The following SNX2 variants were observed in gnomAD, a reference collection of about 807,000 sequenced individuals.
SNX2 encodes the protein sorting nexin 2.
A neutral mutation model predicts 69.9 loss-of-function variants in SNX2; 25 were observed. The ratio of observed to expected loss-of-function variants is 0.36; its 90% confidence interval spans 0.26 to 0.50. The LOEUF (loss-of-function observed/expected upper bound fraction) is 0.50. Ranked by LOEUF, SNX2 falls within the 20% of genes least tolerant of loss-of-function variation. The probability of loss-of-function intolerance (pLI) is 0.97; values close to 1 mark genes in which losing one functional copy is unlikely to be tolerated. For missense variants in SNX2, 551 were observed against 613.3 expected (o/e 0.90, Z 1.07); for synonymous variants, 229 against 200.4 (o/e 1.14, Z -1.20).
chr5:122,806,511 G>C (rs1396444998), intron 6 of SNX2, among the ~76,000 whole-genome samples: 1 of 152,140 alleles, frequency 6.6e-6, no homozygotes, highest in African/African-American at 2.4e-5. Flanking sequence ...GACCTTAGTT[G>C]ACCTAAGAAG....
In SNX2 at chr5:122,775,121, A is replaced by G. The variant is rs766697437; in HGVS notation, c.18A>G (p.Glu6=). 6 of 1,591,338 alleles carry G rather than the reference A, an allele frequency of 3.8e-6. No homozygotes were observed. Among genetic ancestry groups the G allele is most frequent in the Admixed American group, 1.8e-5 (1 of 55,144 alleles). Reference sequence around the variant, plus strand: ...GAGCGAAGATGGCGGCCGAGAGGGAACCTCCTCCGCTGGGGGACGGGAAGC... The same window carrying G: ...GAGCGAAGATGGCGGCCGAGAGGGAGCCTCCTCCGCTGGGGGACGGGAAGC... MAAER[E]PPPLGDGKPT... Residue 6 remains glutamate, a synonymous_variant, in exon 1 of 15, where the codon GAA becomes GAG. Coordinates refer to ENST00000379516, the MANE Select transcript of SNX2 (RefSeq NM_003100.4).
At chr5:122,778,783 A>G (rs1752908441) in intron 1 of SNX2, among the ~76,000 whole-genome samples, 1 of 152,132 alleles carries the variant, frequency 6.6e-6, no homozygotes, top group African/African-American at 2.4e-5. Flanking sequence ...TCTTATGTGT[A>G]TATTTTTTAA....
chr5:122,787,451 C>G (rs1038668765), intron 1 of SNX2, among the ~76,000 whole-genome samples: 1 of 151,866 alleles, frequency 6.6e-6, no homozygotes, highest in Non-Finnish European at 1.5e-5. Flanking sequence ...ACCTGAGAGG[C>G]AGAGGTTGCA....
chr5:122,806,574 A>G (rs1230838423), intron 6 of SNX2, among the ~76,000 whole-genome samples: 1 of 150,846 alleles, frequency 6.6e-6, no homozygotes, highest in Non-Finnish European at 1.5e-5. Context: ...TTAAAAGTTA[A>G]CTAGTTACGG....
intron 6 of SNX2, among the ~76,000 whole-genome samples, chr5:122,806,438 G>A (rs1753660020): frequency 6.6e-6 from 1 of 152,032 alleles, no homozygotes; most frequent in Non-Finnish European, 1.5e-5. Flanking sequence ...TGTTTGCTGG[G>A]AAGCTTTATA....
At chr5:122,818,026 G>A (rs1342664891) in intron 10 of SNX2, among the ~76,000 whole-genome samples, 1 of 151,944 alleles carries the variant, frequency 6.6e-6, no homozygotes, top group Non-Finnish European at 1.5e-5. Flanking sequence ...AACATTACCA[G>A]CAATACATTT....
chr5:122,806,142 G>GCGCACGCGCACACACACACACACA, intron 6 of SNX2, among the ~76,000 whole-genome samples: 6,042 of 130,300 alleles, frequency 0.046, 212 homozygotes, highest in Non-Finnish European at 0.06. Flanking sequence ...ACACGCGCGC[G>GCGCACGCGCACACACACACACACA]CACACACACA....
In SNX2 at chr5:122,826,119, C is replaced by T. The variant is rs767986710; in HGVS notation, c.1282C>T (p.Arg428Cys). Residue 428 changes from arginine to cysteine, a missense_variant, in exon 12 of 15, where the codon CGT becomes TGT. This residue lies in a region of SNX2 where 360 missense variants were observed against 450.4 expected (regional missense o/e 0.80). Transcript: ENST00000379516. The part of the protein sequence containing the change: ...EDAQITLLKK[R>C]EAEAKMMVAN... ...TGCTCAAATTACTTTGCTCAAAAAA[C>T]GTGAAGCTGAAGCAAAAATGATGGT... 18 of 1,612,952 alleles carry T rather than the reference C, an allele frequency of 1.1e-5. No individual in the cohort carries two copies. The highest frequency in any genetic ancestry group is 5.5e-5 in the South Asian group (5 of 91,042).
intron 7 of SNX2, among the ~76,000 whole-genome samples, chr5:122,809,090 T>G (rs994800142): frequency 3.3e-5 from 5 of 152,206 alleles, no homozygotes; most frequent in African/African-American, 4.8e-5. Flanking sequence ...ACATCTATAC[T>G]AAACATGTGC....
At chr5:122,791,272 C>T (rs550822344) in intron 1 of SNX2, among the ~76,000 whole-genome samples, 4 of 151,796 alleles carry the variant, frequency 2.6e-5, no homozygotes, top group South Asian at 2.1e-4. Context: ...TACAGACATG[C>T]GCCACCATGC....
In SNX2 at chr5:122,775,231, G is replaced by T. The variant is rs368756209; in HGVS notation, c.108+20G>T. ...CTAGAGGTGAGACCGCGTCGCTGCG[G>T]GTGCTGCGCTGCGTAGCTGCCGCGC... On this transcript the variant is annotated intron_variant, in intron 1 of 14. Coordinates refer to ENST00000379516, the MANE Select transcript of SNX2 (RefSeq NM_003100.4). 1,139 of 1,543,632 alleles carry T rather than the reference G, an allele frequency of 7.4e-4. 7 individuals are homozygous for T. The African/African-American group carries it at 0.013, about 18-fold the overall frequency.
At chr5:122,812,546 A>G (rs536346505) in intron 7 of SNX2, among the ~76,000 whole-genome samples, 75 of 152,238 alleles carry the variant, frequency 4.9e-4, no homozygotes, top group Non-Finnish European at 9.7e-4. Flanking sequence ...TTCTATTTAT[A>G]TTGCCACCAA....
intron 11 of SNX2, among the ~76,000 whole-genome samples, chr5:122,820,544 A>AT (rs1156762090): frequency 6.6e-6 from 1 of 152,112 alleles, no homozygotes; most frequent in Non-Finnish European, 1.5e-5. Flanking sequence ...TAAAAAAAAA[A>AT]AAGAATACGT....
chr5:122,832,265 A>C lies in SNX2; in HGVS notation c.*2617A>C, dbSNP rs1326959493. The C allele has an allele frequency of 6.6e-6, 1 of 152,198 alleles. No homozygotes were observed. The highest frequency in any genetic ancestry group is 2.4e-5 in the African/African-American group (1 of 41,460). 9.4% of individuals were successfully genotyped at this position (152,198 alleles called of 1,614,324 possible). On this transcript the variant is annotated 3_prime_UTR_variant, in exon 15 of 15. Coordinates refer to ENST00000379516, the MANE Select transcript of SNX2 (RefSeq NM_003100.4). ...CATATCACTTAAATCTCTTATCTAT[A>C]AAACAAGTACATAAAAGTCTTGATT...
chr5:122,802,388 A>C (rs748557806), intron 5 of SNX2, among the ~76,000 whole-genome samples: 21 of 152,310 alleles, frequency 1.4e-4, no homozygotes, highest in Middle Eastern at 3.4e-3. Flanking sequence ...GGGGGGAAGA[A>C]GAAGAATGCT....
At chr5:122,809,006 A>G (rs895441762) in intron 7 of SNX2, among the ~76,000 whole-genome samples, 2 of 151,998 alleles carry the variant, frequency 1.3e-5, no homozygotes, top group African/African-American at 4.8e-5. Context: ...TATACAGTTG[A>G]CCCTCCATAT....
At chr5:122,782,997 CG>C (rs1753010337) in intron 1 of SNX2, among the ~76,000 whole-genome samples, 1 of 151,108 alleles carries the variant, frequency 6.6e-6, no homozygotes, top group Non-Finnish European at 1.5e-5. Flanking sequence ...AGTGCAGTGG[CG>C]TGATCTCGGC....
intron 14 of SNX2, among the ~76,000 whole-genome samples, chr5:122,828,575 A>G (rs746996556): frequency 1.1e-4 from 17 of 151,842 alleles, no homozygotes; most frequent in Admixed American, 5.2e-4. Context: ...TAAACTGTCA[A>G]TATGCTCTGA....
intron 14 of SNX2, among the ~76,000 whole-genome samples, chr5:122,828,828 C>A (rs1308287466): frequency 6.6e-6 from 1 of 152,034 alleles, no homozygotes; most frequent in Non-Finnish European, 1.5e-5. Flanking sequence ...CCTTTAAGAA[C>A]CAGACATTGG....
Sources: allele counts gnomAD v4.1 joint callset (sites outside exome capture counted in the v4.1 genomes callset), GRCh38; gene constraint gnomAD v4.1.1; regional missense constraint gnomAD v4.1.1; transcripts MANE v1.5; gene names NCBI Gene and HGNC (gene_info 2026-07-23, HGNC 2026-07-21).